Variants in ERCC6L2 observed in about 807,000 individuals in gnomAD.
The protein encoded by ERCC6L2 is DNA excision repair protein ERCC-6-like 2.
In ERCC6L2, 77 loss-of-function variants were observed where a neutral mutation model predicts 132.0. The ratio of observed to expected loss-of-function variants is 0.58; its 90% CI spans 0.49 to 0.71. The LOEUF (loss-of-function observed/expected upper bound fraction) is 0.71, where lower values mean the gene tolerates loss of function less well. Among genes scored for constraint, ERCC6L2 ranks in the 30% least tolerant of loss-of-function variants. The pLI, the probability that ERCC6L2 is intolerant of heterozygous loss-of-function variation, is 0.00. For synonymous variants in ERCC6L2, 583 were observed against 632.4 expected, an observed-to-expected ratio of 0.92 and a Z score of 1.17; for missense variants, 1,542 against 1,837.6, an observed-to-expected ratio of 0.84 and a Z score of 2.94.
rs146873595 is a variant in ERCC6L2, at chr9:95,987,132, G to A, written c.3492+8917G>A. 4.4e-3 allele frequency among the ~76,000 whole-genome samples: 669 copies of A among 152,242 alleles called. 9 individuals carry two copies. The highest frequency in any genetic ancestry group is 0.015 in the African/African-American group (618 of 41,534). On this transcript the variant is annotated intron_variant, in intron 17 of 18. Transcript: ENST00000653738. ...CCCACAACACAGGAGAATTATGGGA[G>A]CTACAATTCAAGATGAGATTTGGGT... is the stretch of plus-strand genomic sequence containing the variant.
chr9:95,988,572 A>G (rs535128807), intron 17 of ERCC6L2, among the ~76,000 whole-genome samples: 1 of 152,342 alleles, frequency 6.6e-6, no homozygotes, highest in East Asian at 1.9e-4. Context: ...TAACAGCAAG[A>G]ACTTTTTATC....
intron 2 of ERCC6L2, among the ~76,000 whole-genome samples, chr9:95,883,331 A>G (rs539355309): frequency 1.3e-5 from 2 of 152,292 alleles, no homozygotes; most frequent in East Asian, 1.9e-4. Flanking sequence ...TTCCTTGGCA[A>G]TACGTGTTGT....
chr9:95,947,351 C>T (rs1831112142), intron 12 of ERCC6L2, among the ~76,000 whole-genome samples: 1 of 152,230 alleles, frequency 6.6e-6, no homozygotes, highest in Non-Finnish European at 1.5e-5. Flanking sequence ...AAGTCTCTAA[C>T]ACACTTCAGT....
At chr9:95,991,301 A>G (rs146648608) in intron 17 of ERCC6L2, among the ~76,000 whole-genome samples, 54 of 152,280 alleles carry the variant, frequency 3.5e-4, no homozygotes, top group Non-Finnish European at 5.9e-4. Context: ...TTCTTGCAGG[A>G]AAAAGAAACT....
At chr9:95,936,944 T>C (rs1830581966) in intron 11 of ERCC6L2, among the ~76,000 whole-genome samples, 1 of 152,206 alleles carries the variant, frequency 6.6e-6, no homozygotes, top group Non-Finnish European at 1.5e-5. Flanking sequence ...CCAGTTGTTG[T>C]ATGTATCAAT....
chr9:96,032,464 A>C (rs1318523380), intron 19 of ERCC6L2, among the ~76,000 whole-genome samples: 3 of 152,192 alleles, frequency 2.0e-5, no homozygotes, highest in Non-Finnish European at 2.9e-5. Context: ...CTGGAGGGCC[A>C]TAGCTGGCTC....
chr9:95,875,797 C>T lies in ERCC6L2; in HGVS notation c.-242C>T. ...ACACCGCTTTGCCAGCCTCACACAG[C>T]GTCCCCTGGCTCTGCCGCCGCTCCG... On this transcript the variant is annotated 5_prime_UTR_variant, in exon 1 of 19. Coordinates refer to ENST00000653738, the MANE Select transcript of ERCC6L2 (RefSeq NM_020207.7). 2 of 568,958 alleles carry T rather than the reference C, an allele frequency of 3.5e-6. No homozygotes were observed. The highest frequency in any genetic ancestry group is 2.1e-5 in the South Asian group (1 of 46,550). The allele number at this position is 568,958 out of a possible 1,614,324, so 35.2% of individuals were successfully genotyped here.
At chr9:95,989,982 G>A (rs771267223) in intron 17 of ERCC6L2, among the ~76,000 whole-genome samples, 11 of 152,140 alleles carry the variant, frequency 7.2e-5, no homozygotes, top group South Asian at 2.1e-4. Context: ...TGAGAAGACC[G>A]GACTGACCAG....
rs1276103533 is a variant in ERCC6L2, at chr9:96,012,470, G to A, written c.3920G>A (p.Arg1307Lys). 1.7e-5 allele frequency: 23 copies of A among 1,367,126 alleles called. No homozygotes were observed. The highest frequency in any genetic ancestry group is 2.1e-5 in the Non-Finnish European group (21 of 1,021,758). 84.7% of individuals were successfully genotyped at this position (1,367,126 alleles called of 1,614,324 possible). A position where few individuals can be genotyped will look rare whatever the true frequency, so the allele number is the denominator to read the frequency against. ...SDKRESLIKP[R>K]LSDSETLSFK... Reference sequence around the variant, plus strand: ...AAAAGAGAATCTCTTATAAAACCAAGGCTGTCAGATTCTGAAACCTTGTCA... The same window carrying A: ...AAAAGAGAATCTCTTATAAAACCAAAGCTGTCAGATTCTGAAACCTTGTCA... Residue 1307 changes from arginine (R) to lysine (K), a missense_variant, in exon 19 of 19, where the codon AGG becomes AAG. Arg to Lys is a conservative substitution (Grantham distance 26). This residue lies in a region of ERCC6L2 where 442 missense variants were observed against 583.4 expected (regional missense o/e 0.76). Transcript: ENST00000653738.
intron 3 of ERCC6L2, among the ~76,000 whole-genome samples, chr9:95,901,814 G>A (rs1828794245): frequency 6.6e-6 from 1 of 152,070 alleles, no homozygotes; most frequent in African/African-American, 2.4e-5. Context: ...AGTTTTTAAT[G>A]GCATCACCAG....
At chr9:95,990,525 G>A (rs1198123013) in intron 17 of ERCC6L2, among the ~76,000 whole-genome samples, 1 of 152,214 alleles carries the variant, frequency 6.6e-6, no homozygotes. Flanking sequence ...GCCCTTAATT[G>A]TAGTAGTGAG....
rs1370030895 is a variant in ERCC6L2 at position 95,875,787 on chromosome 9, C to G, written c.-252C>G. 1 of 563,830 alleles carries G rather than the reference C, an allele frequency of 1.8e-6. No homozygotes were observed. Among genetic ancestry groups the G allele is most frequent in the Non-Finnish European group, 3.2e-6 (1 of 313,104 alleles). The allele number at this position is 563,830 out of a possible 1,614,324, so 34.9% of individuals were successfully genotyped here. A position where few individuals can be genotyped will look rare whatever the true frequency, so the allele number is the denominator to read the frequency against. ...AACTAGGTGAACACCGCTTTGCCAG[C>G]CTCACACAGCGTCCCCTGGCTCTGC... On this transcript the variant is annotated 5_prime_UTR_variant, in exon 1 of 19. Coordinates refer to ENST00000653738, the MANE Select transcript of ERCC6L2 (RefSeq NM_020207.7).
intron 3 of ERCC6L2, among the ~76,000 whole-genome samples, chr9:95,901,968 T>C (rs1400731066): frequency 6.6e-6 from 1 of 152,218 alleles, no homozygotes; most frequent in Non-Finnish European, 1.5e-5. Context: ...AATCATTTCT[T>C]TTGTATTTAT....
Position 95,928,876 on chromosome 9 carries a change from A to G in ERCC6L2, c.1751+12A>G. On this transcript the variant is annotated intron_variant, in intron 11 of 18. Transcript: ENST00000653738. ...CTTGTCTCTACAATGTAAGAAAATT[A>G]AATTTAATAACTAGATTTTTATCCA... The G allele has an allele frequency of 6.6e-7, 1 of 1,523,670 alleles. No homozygotes were observed. Among genetic ancestry groups the G allele is most frequent in the South Asian group, 1.2e-5 (1 of 80,026 alleles). 94.4% of individuals were successfully genotyped at this position (1,523,670 alleles called of 1,614,324 possible).
chr9:95,950,444 A>G (rs1025140427), intron 12 of ERCC6L2, among the ~76,000 whole-genome samples: 5 of 152,198 alleles, frequency 3.3e-5, no homozygotes, highest in Non-Finnish European at 2.9e-5. Context: ...AATAGTTATA[A>G]GACATATAGA....
intron 17 of ERCC6L2, among the ~76,000 whole-genome samples, chr9:95,991,731 C>T (rs984786771): frequency 6.6e-5 from 10 of 152,126 alleles, no homozygotes; most frequent in South Asian, 2.1e-4. Flanking sequence ...ATATTTGTAA[C>T]GTGGTATAAT....
At chr9:95,876,720 T>G (rs1827290795) in intron 1 of ERCC6L2, 1 of 152,240 alleles carries the variant, frequency 6.6e-6, no homozygotes, top group Admixed American at 6.5e-5. Flanking sequence ...GTGATTTTCC[T>G]GAGCCCAGCA....
intron 3 of ERCC6L2, among the ~76,000 whole-genome samples, chr9:95,901,753 C>A (rs765506356): frequency 6.6e-6 from 1 of 152,188 alleles, no homozygotes; most frequent in Non-Finnish European, 1.5e-5. Flanking sequence ...TCTTTTGTTT[C>A]ATTGGCATCA....
intron 19 of ERCC6L2, among the ~76,000 whole-genome samples, chr9:96,032,865 T>G (rs1180954188): frequency 6.6e-6 from 1 of 152,202 alleles, no homozygotes; most frequent in Non-Finnish European, 1.5e-5. Context: ...GGCTTAAAAA[T>G]GTCAACGATG....
Sources: gnomAD v4.1 joint callset for allele counts (sites outside exome capture counted in the v4.1 genomes callset) on GRCh38, gnomAD v4.1.1 for gene constraint, gnomAD v4.1.1 regional missense constraint, MANE v1.5 for transcripts, NCBI Gene and HGNC (gene_info 2026-07-23, HGNC 2026-07-21) for gene names.